Variants in NTSR1 observed in about 807,000 individuals in gnomAD.
The protein encoded by NTSR1 is neurotensin receptor type 1.
In NTSR1, 29 loss-of-function variants were observed where a neutral mutation model predicts 31.2. That is an observed-to-expected ratio of 0.93 (90% CI 0.69 to 1.27). The LOEUF (loss-of-function observed/expected upper bound fraction) is 1.27, where lower values mean the gene tolerates loss of function less well. Among genes scored for constraint, NTSR1 ranks in the 50% most tolerant of loss-of-function variants. The pLI, the probability that NTSR1 is intolerant of heterozygous loss-of-function variation, is 0.00. For synonymous variants in NTSR1, 282 were observed against 269.9 expected (o/e 1.04, Z -0.44); for missense variants, 697 against 595.4 (o/e 1.17, Z -1.78).
Position 62,754,865 on chromosome 20 carries a change from C to T in NTSR1, c.895C>T (p.Arg299Trp), listed in dbSNP as rs535774214. The change falls in exon 2 of 4, where the codon CGG (arginine) becomes TGG (tryptophan). Residue 299 changes from arginine to tryptophan, a missense_variant. Transcript: ENST00000370501. Reference protein sequence around the residue: ...AIEPGRVQALRHGVRVLRAVV... With the variant: ...AIEPGRVQALWHGVRVLRAVV... ...CGAGCCTGGCAGGGTCCAGGCCCTG[C>T]GGCACGGCGTGCGCGTCCTACGTAC... is the stretch of plus-strand genomic sequence containing the variant. 74 of 1,603,116 alleles carry T rather than the reference C, an allele frequency of 4.6e-5. No individual in the cohort carries two copies. Among genetic ancestry groups the T allele is most frequent in the South Asian group, 8.8e-5 (8 of 90,912 alleles).
At chr20:62,720,994 A>G (rs894673097) in intron 1 of NTSR1, among the ~76,000 whole-genome samples, 4 of 152,198 alleles carry the variant, frequency 2.6e-5, no homozygotes, top group African/African-American at 9.7e-5. Flanking sequence ...TAGAGAACAA[A>G]TGTGCATGAT....
intron 1 of NTSR1, among the ~76,000 whole-genome samples, chr20:62,734,118 C>T (rs572512869): frequency 1.3e-5 from 2 of 152,220 alleles, no homozygotes; most frequent in South Asian, 2.1e-4. Flanking sequence ...ATCCTGGAAG[C>T]GACCGCCTTG....
chr20:62,730,424 T>C (rs1988983457), intron 1 of NTSR1, among the ~76,000 whole-genome samples: 1 of 152,246 alleles, frequency 6.6e-6, no homozygotes, highest in Non-Finnish European at 1.5e-5. Context: ...TTTCATGGCT[T>C]GATAGCTTGT....
Position 62,708,879 on chromosome 20 carries a change from T to G in NTSR1, c.-329T>G. 3.4e-6 allele frequency: 1 copy of G among 294,988 alleles called. No homozygotes were observed. The highest frequency in any genetic ancestry group is 6.2e-6 in the Non-Finnish European group (1 of 160,748). 18.3% of individuals were successfully genotyped at this position (294,988 alleles called of 1,614,324 possible). ...GCCCGAGCCGGGCTGGGCGCTGTCC[T>G]CGGGGGCCTGGGGAACCGCGCGGTT... On this transcript the variant is annotated 5_prime_UTR_variant, in exon 1 of 4. Transcript: ENST00000370501. The surrounding 1 kb of genome is among the most constrained non-coding windows in gnomAD (Gnocchi z 5.9).
In NTSR1 at chr20:62,709,603, C is replaced by T; in HGVS notation, c.396C>T (p.His132=). The change falls in exon 1 of 4, where the codon CAC becomes CAT. Residue 132 remains histidine, a synonymous_variant. Coordinates refer to ENST00000370501, the MANE Select transcript of NTSR1 (RefSeq NM_002531.3). ...TGTACAACTTCATCTGGGTGCACCACCCCTGGGCCTTCGGCGACGCCGGCT... is the reference window on the plus strand; with the variant it reads ...TGTACAACTTCATCTGGGTGCACCATCCCTGGGCCTTCGGCGACGCCGGCT... The part of the protein sequence containing the change: ...VELYNFIWVH[H]PWAFGDAGCR... 6.2e-7 allele frequency: 1 copy of T among 1,611,718 alleles called. No individual in the cohort carries two copies. The highest frequency in any genetic ancestry group is 8.5e-7 in the Non-Finnish European group (1 of 1,179,908).
intron 1 of NTSR1, among the ~76,000 whole-genome samples, chr20:62,751,982 A>G (rs866400066): frequency 1.3e-5 from 2 of 152,218 alleles, no homozygotes; most frequent in Admixed American, 1.3e-4. Context: ...GGTACATCCC[A>G]GTGGCTGGCA....
In NTSR1 at chr20:62,754,780, G is replaced by T; in HGVS notation, c.810G>T (p.Ala270=). 1 of 1,611,966 alleles carries T rather than the reference G, an allele frequency of 6.2e-7. No homozygotes were observed. Among genetic ancestry groups the T allele is most frequent in the Non-Finnish European group, 8.5e-7 (1 of 1,179,772 alleles). The change falls in exon 2 of 4, where the codon GCG becomes GCT. Residue 270 remains alanine, a synonymous_variant. Coordinates refer to ENST00000370501, the MANE Select transcript of NTSR1 (RefSeq NM_002531.3). ...ANKLTVMVRQ[A]AEQGQVCTVG... ...AGCTGACCGTCATGGTACGCCAGGC[G>T]GCCGAGCAGGGCCAAGTGTGCACGG... is the stretch of plus-strand genomic sequence containing the variant.
chr20:62,743,053 GCCCTCT>G lies in NTSR1; in HGVS notation c.715-11628_715-11623del, dbSNP rs1989232245. Reference sequence around the variant, plus strand: ...CACCTGAGACCCTCCCAGCTACCCTGCCCTCTCCCCAGATCAGCTCGGTAGGCTCCA... The same window carrying G: ...CACCTGAGACCCTCCCAGCTACCCTGCCCCAGATCAGCTCGGTAGGCTCCA... On this transcript the variant is annotated intron_variant, in intron 1 of 3. Coordinates refer to ENST00000370501, the MANE Select transcript of NTSR1 (RefSeq NM_002531.3). The surrounding 1 kb of genome is among the most constrained non-coding windows in gnomAD (Gnocchi z 7.5). Among the ~76,000 whole-genome samples, 1 of 149,502 alleles carries G rather than the reference GCCCTCT, an allele frequency of 6.7e-6. No homozygotes were observed. Among genetic ancestry groups the G allele is most frequent in the Non-Finnish European group, 1.5e-5 (1 of 67,988 alleles).
At chr20:62,753,485 C>G (rs1392283936) in intron 1 of NTSR1, among the ~76,000 whole-genome samples, 1 of 152,216 alleles carries the variant, frequency 6.6e-6, no homozygotes, top group Admixed American at 6.5e-5. Context: ...CTTTCTACCG[C>G]AATCACAGCC....
chr20:62,759,958 C>A (rs1330411598), intron 3 of NTSR1, 60 bp from the exon 4 acceptor site: 2 of 1,576,384 alleles, frequency 1.3e-6, no homozygotes, highest in Non-Finnish European at 8.7e-7. Context: ...CCGGCTGTCA[C>A]CCTGCCTTGG....
At position 62,741,564 on chromosome 20, in the gene NTSR1, G is replaced by A. The variant is rs79537798; in HGVS notation, c.715-13121G>A. Among the ~76,000 whole-genome samples the A allele has an allele frequency of 0.016, 2,435 of 149,536 alleles. 268 individuals are homozygous for A. The highest frequency in any genetic ancestry group is 0.057 in the African/African-American group (2,304 of 40,074). On this transcript the variant is annotated intron_variant, in intron 1 of 3. Transcript: ENST00000370501. The surrounding 1 kb of genome is among the most constrained non-coding windows in gnomAD (Gnocchi z 4.3). ...ACCCCATGTCTGTGCGCCCCTTCGA[G>A]CATGCCTGGGCATTGTCCATGGTAC... is the stretch of plus-strand genomic sequence containing the variant.
rs1349101273 is a variant in NTSR1 at position 62,744,683 on chromosome 20, C to T, written c.715-10002C>T. Among the ~76,000 whole-genome samples, 13 of 152,010 alleles carry T rather than the reference C, an allele frequency of 8.6e-5. No homozygotes were observed. Among genetic ancestry groups the T allele is most frequent in the East Asian group, 5.8e-4 (3 of 5,188 alleles). Reference sequence around the variant, plus strand: ...CGGAGGTTGTGATAAGCAGAAATCGCGCCACTGCACTCCAGCCTGGGCAAC... The same window carrying T: ...CGGAGGTTGTGATAAGCAGAAATCGTGCCACTGCACTCCAGCCTGGGCAAC... On this transcript the variant is annotated intron_variant, in intron 1 of 3. Transcript: ENST00000370501. This position sits in a 1 kb window ranked among gnomAD's most constrained non-coding sequence, Gnocchi z 4.1.
Position 62,760,505 on chromosome 20 carries a change from C to A in NTSR1, c.*238C>A. ...CCCATCTCCTCTTTGAAAGCCAGAA[C>A]AAGAGAGCGCTCCTCTCCCAGATAG... On this transcript the variant is annotated 3_prime_UTR_variant, in exon 4 of 4. Transcript: ENST00000370501. The A allele has an allele frequency of 2.1e-6, 1 of 485,000 alleles. No homozygotes were observed. Among genetic ancestry groups the A allele is most frequent in the Admixed American group, 3.5e-5 (1 of 28,468 alleles). The allele number at this position is 485,000 out of a possible 1,614,324, so 30.0% of individuals were successfully genotyped here.
At chr20:62,722,024 G>A (rs1458126138) in intron 1 of NTSR1, among the ~76,000 whole-genome samples, 1 of 152,000 alleles carries the variant, frequency 6.6e-6, no homozygotes, top group African/African-American at 2.4e-5. Context: ...TCTTGTCAAT[G>A]GGTCACATTT....
chr20:62,738,775 G>A (rs922617004), intron 1 of NTSR1, among the ~76,000 whole-genome samples: 9 of 152,234 alleles, frequency 5.9e-5, no homozygotes, highest in African/African-American at 2.2e-4. Flanking sequence ...CAGCCTTGCT[G>A]CTCTTGGCAG....
intron 1 of NTSR1, among the ~76,000 whole-genome samples, chr20:62,720,829 A>G (rs1988816922): frequency 6.6e-6 from 1 of 152,160 alleles, no homozygotes; most frequent in African/African-American, 2.4e-5. Context: ...AAAATTTTTG[A>G]ACATTGTATT....
intron 2 of NTSR1, among the ~76,000 whole-genome samples, chr20:62,757,873 C>T (rs918672355): frequency 2.0e-5 from 3 of 151,738 alleles, no homozygotes; most frequent in Admixed American, 1.3e-4. Context: ...CCACGTCTCT[C>T]CCTCTCTGAG....
intron 1 of NTSR1, among the ~76,000 whole-genome samples, chr20:62,750,264 A>C (rs1389416878): frequency 6.6e-6 from 1 of 152,234 alleles, no homozygotes; most frequent in Non-Finnish European, 1.5e-5. Context: ...TCGTGAAGAC[A>C]GAGAGCAGAG....
At chr20:62,731,727 G>C (rs554046865) in intron 1 of NTSR1, among the ~76,000 whole-genome samples, 10 of 152,232 alleles carry the variant, frequency 6.6e-5, no homozygotes, top group Non-Finnish European at 1.3e-4. Context: ...AATAACTTTT[G>C]CTTCTTTCTC....
Sources: gnomAD v4.1 joint callset for allele counts (sites outside exome capture counted in the v4.1 genomes callset) on GRCh38, gnomAD v4.1.1 for gene constraint, Gnocchi (gnomAD v3.1) non-coding constraint, MANE v1.5 for transcripts, NCBI Gene and HGNC (gene_info 2026-07-23, HGNC 2026-07-21) for gene names.